The following BCAR3 variants were observed in gnomAD, a reference collection of about 807,000 sequenced individuals.
BCAR3 encodes breast cancer anti-estrogen resistance protein 3.
In BCAR3, 37 loss-of-function variants were observed where a neutral mutation model predicts 80.1. The observed-to-expected ratio is 0.46, with a 90% CI of 0.36 to 0.61. The LOEUF (loss-of-function observed/expected upper bound fraction) is 0.61, where lower values mean the gene tolerates loss of function less well. Among genes scored for constraint, BCAR3 ranks in the 20% least tolerant of loss-of-function variants. The pLI, the probability that BCAR3 is intolerant of heterozygous loss-of-function variation, is 0.00. For synonymous variants in BCAR3, 389 were observed against 418.9 expected (o/e 0.93, Z 0.87); for missense variants, 978 against 1,068.2 (o/e 0.92, Z 1.18).
At chr1:93,683,066 A>G (rs926894134), upstream of BCAR3, among the ~76,000 whole-genome samples, 2 of 152,212 alleles carry the variant, frequency 1.3e-5, no homozygotes, top group Non-Finnish European at 2.9e-5. Flanking sequence ...CCGCAGAGTG[A>G]GAAAACATAA....
At chr1:93,766,179 G>A (rs975826091) in intron 2 of BCAR3, among the ~76,000 whole-genome samples, 1 of 152,204 alleles carries the variant, frequency 6.6e-6, no homozygotes, top group African/African-American at 2.4e-5. Context: ...TCACAGAGAT[G>A]TGTGGGATAG....
chr1:93,655,702 C>T (rs1647351808), intron 2 of BCAR3, among the ~76,000 whole-genome samples: 1 of 152,220 alleles, frequency 6.6e-6, no homozygotes, highest in African/African-American at 2.4e-5. Flanking sequence ...ACTGCTGCCA[C>T]ACAACTACTG....
At chr1:93,804,600 G>A (rs373357330) in intron 2 of BCAR3, among the ~76,000 whole-genome samples, 28 of 152,086 alleles carry the variant, frequency 1.8e-4, no homozygotes, top group African/African-American at 6.0e-4. Flanking sequence ...TCACATCCTG[G>A]GCAGGACAGA....
rs1436479316 is a variant in BCAR3 at position 93,635,539 on chromosome 1, G to A, written c.357+6765C>T. Among the ~76,000 whole-genome samples, 4 of 152,150 alleles carry A rather than the reference G, an allele frequency of 2.6e-5. No homozygotes were observed. The East Asian group carries it at 5.8e-4, about 22-fold the overall frequency. On this transcript the variant is annotated intron_variant, in intron 3 of 11. Coordinates refer to ENST00000260502, the MANE Select transcript of BCAR3 (RefSeq NM_003567.4). Reference sequence around the variant, plus strand: ...CATTTTTAATAACTGTAGTAACACCGAACCTCCCAAGAATATTTGCAGAGA... The same window carrying A: ...CATTTTTAATAACTGTAGTAACACCAAACCTCCCAAGAATATTTGCAGAGA...
chr1:93,827,631 G>C (rs1654415282), intron 2 of BCAR3, among the ~76,000 whole-genome samples: 1 of 152,066 alleles, frequency 6.6e-6, no homozygotes. Flanking sequence ...TTAAGGATAA[G>C]ACCAGGCCAG....
At chr1:93,768,577 C>T (rs1189069402) in intron 2 of BCAR3, among the ~76,000 whole-genome samples, 13 of 152,070 alleles carry the variant, frequency 8.5e-5, no homozygotes, top group Admixed American at 8.5e-4. Context: ...AAAACCGGAG[C>T]TGGGAGTGCA....
At chr1:93,563,244 C>A (rs891420947) in intron 11 of BCAR3, among the ~76,000 whole-genome samples, 1 of 152,210 alleles carries the variant, frequency 6.6e-6, no homozygotes, top group Non-Finnish European at 1.5e-5. Flanking sequence ...AACCACTGAT[C>A]TGCTTTCTGT....
rs200926461 is a variant in BCAR3 at position 93,672,930 on chromosome 1, CA to C, written c.317+1683del. On this transcript the variant is annotated intron_variant, in intron 2 of 11. Coordinates refer to ENST00000260502, the MANE Select transcript of BCAR3 (RefSeq NM_003567.4). ...ACCAACACCAACACTGTTCTCCTCT[CA>C]ATGTGCTACACTCCAGCCACAGGCC... 2.8e-3 allele frequency among the ~76,000 whole-genome samples: 430 copies of C among 152,332 alleles called. 2 individuals carry two copies. Among genetic ancestry groups the C allele is most frequent in the Middle Eastern group, 0.017 (5 of 294 alleles).
intron 2 of BCAR3, among the ~76,000 whole-genome samples, chr1:93,801,925 C>T (rs1044301549): frequency 6.6e-6 from 1 of 152,054 alleles, no homozygotes; most frequent in African/African-American, 2.4e-5. Flanking sequence ...TGAGACCAGC[C>T]TGGCCAATAT....
intron 2 of BCAR3, among the ~76,000 whole-genome samples, chr1:93,816,602 C>T (rs905561512): frequency 1.6e-5 from 2 of 128,286 alleles, no homozygotes; most frequent in Non-Finnish European, 3.1e-5. Context: ...ACCCAGGAGG[C>T]GGAGGTTGCA....
intron 2 of BCAR3, among the ~76,000 whole-genome samples, chr1:93,802,259 A>G (rs1653506500): frequency 6.6e-6 from 1 of 152,080 alleles, no homozygotes; most frequent in Non-Finnish European, 1.5e-5. Flanking sequence ...GCAATGAGCC[A>G]TAATCACACC....
At chr1:93,786,267 C>T (rs1652943101) in intron 2 of BCAR3, among the ~76,000 whole-genome samples, 1 of 150,342 alleles carries the variant, frequency 6.7e-6, no homozygotes, top group Non-Finnish European at 1.5e-5. Flanking sequence ...ATACCTGTAA[C>T]CCAGCCTCAA....
At chr1:93,785,099 G>C (rs900886467) in intron 2 of BCAR3, among the ~76,000 whole-genome samples, 1 of 152,178 alleles carries the variant, frequency 6.6e-6, no homozygotes, top group African/African-American at 2.4e-5. Context: ...TCAGTCAGTG[G>C]ACAGCTGAAG....
chr1:93,583,094 G>A (rs994969743), intron 6 of BCAR3, 141 bp from the exon 7 acceptor site: 94 of 1,051,986 alleles, frequency 8.9e-5, no homozygotes, highest in Middle Eastern at 6.2e-4. Context: ...AGAAAATTCA[G>A]TGTGACTGTC....
intron 3 of BCAR3, among the ~76,000 whole-genome samples, chr1:93,618,760 C>G (rs998854527): frequency 1.3e-5 from 2 of 152,204 alleles, no homozygotes; most frequent in African/African-American, 4.8e-5. Flanking sequence ...GACTCACTAT[C>G]TGATGATCTT....
At position 93,562,283 on chromosome 1, in the gene BCAR3, C is replaced by T. The variant is rs150172728; in HGVS notation, c.2436G>A (p.Ser812=). The T allele has an allele frequency of 1.3e-4, 204 of 1,613,824 alleles. No homozygotes were observed. The highest frequency in any genetic ancestry group is 1.1e-4 in the African/African-American group (8 of 74,896). The stretch of plus-strand genomic sequence containing the variant: ...TTACAGGAGGAGGTTCCAATTTACG[C>T]GAGAGGGCAGTTAAAATCTGGTTGA... ...EKFNQILTAL[S]RKLEPPPVKQ... The change falls in exon 12 of 12, where the codon TCG becomes TCA. Residue 812 remains serine, a synonymous_variant. Coordinates refer to ENST00000260502, the MANE Select transcript of BCAR3 (RefSeq NM_003567.4).
intron 2 of BCAR3, among the ~76,000 whole-genome samples, chr1:93,808,672 GT>G (rs1394006732): frequency 6.6e-6 from 1 of 152,006 alleles, no homozygotes; most frequent in Non-Finnish European, 1.5e-5. Context: ...GTTTTGTTTT[GT>G]TTTTGGAGGG....
chr1:93,602,897 C>T (rs1291725084), intron 3 of BCAR3, among the ~76,000 whole-genome samples: 1 of 152,208 alleles, frequency 6.6e-6, no homozygotes, highest in African/African-American at 2.4e-5. Context: ...AGGAATGGCA[C>T]TTGTGGCGAT....
At chr1:93,836,884 G>C (rs374543127) in intron 2 of BCAR3, among the ~76,000 whole-genome samples, 1 of 151,926 alleles carries the variant, frequency 6.6e-6, no homozygotes, top group African/African-American at 2.4e-5. Flanking sequence ...TGAGCATCTT[G>C]TGACCCCCGC....
Sources: gnomAD v4.1 joint callset for allele counts (sites outside exome capture counted in the v4.1 genomes callset) on GRCh38, gnomAD v4.1.1 for gene constraint, MANE v1.5 for transcripts, NCBI Gene and HGNC (gene_info 2026-07-23, HGNC 2026-07-21) for gene names.